The following ANKHD1 variants were observed in gnomAD, a reference collection of about 807,000 sequenced individuals.
ANKHD1 encodes the protein ankyrin repeat and KH domain-containing protein 1.
ANKHD1 carries 31 observed loss-of-function variants against 230.5 expected under a neutral mutation model. The ratio of observed to expected loss-of-function variants is 0.13; its 90% CI spans 0.10 to 0.18. The LOEUF is 0.18. Ranked by LOEUF, ANKHD1 falls within the 10% of genes least tolerant of loss-of-function variation. The pLI is 1.00. For missense variants in ANKHD1, 2,256 were observed against 3,071.3 expected (o/e 0.73, Z 6.27); for synonymous variants, 1,074 against 1,117.6 (o/e 0.96, Z 0.78).
intron 25 of ANKHD1, 77 bp downstream of exon 25, chr5:140,524,317 A>C: frequency 1.1e-5 from 16 of 1,431,496 alleles, no homozygotes; most frequent in Non-Finnish European, 1.5e-5. Context: ...TCTTTGCTCT[A>C]GTTAACTCTA....
chr5:140,491,039 T>A (rs1047796602), intron 14 of ANKHD1, among the ~76,000 whole-genome samples: 4 of 147,276 alleles, frequency 2.7e-5, no homozygotes. Context: ...TTTGTTCTTA[T>A]AAATTCTTAT....
intron 32 of ANKHD1, among the ~76,000 whole-genome samples, chr5:140,538,617 C>T (rs745769443): frequency 1.5e-4 from 23 of 152,170 alleles, no homozygotes; most frequent in Non-Finnish European, 3.1e-4. Context: ...TTCTTCTTAG[C>T]TCAAGCTTAT....
intron 1 of ANKHD1, among the ~76,000 whole-genome samples, chr5:140,432,720 T>G (rs72798873): frequency 0.18 from 27,566 of 152,082 alleles, 3,220 homozygotes; most frequent in East Asian, 0.29. Context: ...TAATTTTTTT[T>G]TTTTAAGAGA....
Position 140,506,492 on chromosome 5 carries a change from C to A in ANKHD1, c.3409-343C>A, listed in dbSNP as rs990991011. On this transcript the variant is annotated intron_variant, in intron 18 of 33. Transcript: ENST00000360839. The surrounding 1 kb of genome is among the most constrained non-coding windows in gnomAD (Gnocchi z 4.7). Reference sequence around the variant, plus strand: ...CCCCTTTTAAAAAATCTGTTTCTTGCCCTTAAAGCCAAATAAAAATTATCT... The same window carrying A: ...CCCCTTTTAAAAAATCTGTTTCTTGACCTTAAAGCCAAATAAAAATTATCT... Among the ~76,000 whole-genome samples the A allele has an allele frequency of 9.9e-5, 15 of 152,132 alleles. No individual in the cohort carries two copies. Among genetic ancestry groups the A allele is most frequent in the African/African-American group, 3.1e-4 (13 of 41,430 alleles).
At chr5:140,409,713 C>T (rs775693012) in intron 1 of ANKHD1, among the ~76,000 whole-genome samples, 12 of 151,918 alleles carry the variant, frequency 7.9e-5, no homozygotes, top group East Asian at 5.8e-4. Context: ...CCACCACGCT[C>T]GGCTAATTTT....
At position 140,533,775 on chromosome 5, in the gene ANKHD1, C is replaced by CAAAA. The variant is rs1167136822; in HGVS notation, c.6851-1566_6851-1563dup. On this transcript the variant is annotated intron_variant, in intron 29 of 33. Coordinates refer to ENST00000360839, the MANE Select transcript of ANKHD1 (RefSeq NM_017747.3). ...TGAGTGAGAGAGCAAGACCCTGTCT[C>CAAAA]AAAAAAAAAAAAAAAAAAAAAAAAC... Among the ~76,000 whole-genome samples, 44 of 29,650 alleles carry CAAAA rather than the reference C, an allele frequency of 1.5e-3. 1 individual carries two copies. The highest frequency in any genetic ancestry group is 3.8e-3 in the African/African-American group (35 of 9,218). 19.5% of individuals were successfully genotyped at this position (29,650 alleles called of 152,430 possible). A position where few individuals can be genotyped will look rare whatever the true frequency, so the allele number is the denominator to read the frequency against.
At chr5:140,529,850 C>T in intron 29 of ANKHD1, 54 bp downstream of exon 29, 2 of 1,573,300 alleles carry the variant, frequency 1.3e-6, no homozygotes, top group Non-Finnish European at 1.7e-6. Context: ...GGCCTAATCT[C>T]ACCTTAAGTG....
Position 140,436,162 on chromosome 5 carries a change from C to T in ANKHD1, c.365C>T (p.Ser122Leu). 6.2e-7 allele frequency: 1 copy of T among 1,607,380 alleles called. No homozygotes were observed. Among genetic ancestry groups the T allele is most frequent in the South Asian group, 1.1e-5 (1 of 89,664 alleles). Residue 122 changes from serine to leucine, a missense_variant, in exon 2 of 34, where the codon TCA becomes TTA. Transcript: ENST00000360839. ...GATAACCCAGTGCTTAAAACAACAT[C>T]AGAGATATTCTTATCAAGTACTGCA... The part of the protein sequence containing the change: ...DLDNPVLKTT[S>L]EIFLSSTAEG...
intron 1 of ANKHD1, among the ~76,000 whole-genome samples, chr5:140,406,022 C>T (rs1770407984): frequency 6.6e-6 from 1 of 151,878 alleles, no homozygotes; most frequent in East Asian, 2.0e-4. Flanking sequence ...GGTGGATCAG[C>T]TGAGGTCAGG....
intron 24 of ANKHD1, among the ~76,000 whole-genome samples, chr5:140,513,899 TTGAGA>T: frequency 6.8e-6 from 1 of 147,988 alleles, no homozygotes; most frequent in East Asian, 2.0e-4. Context: ...GCCTAGGAGT[TTGAGA>T]TCAGTTTGGT....
chr5:140,483,090 T>C (rs1751354451), intron 11 of ANKHD1, among the ~76,000 whole-genome samples: 1 of 152,194 alleles, frequency 6.6e-6, no homozygotes, highest in African/African-American at 2.4e-5. Context: ...TATATGTCTT[T>C]AGAAATTCTA....
At chr5:140,433,313 G>A (rs1314962619) in intron 1 of ANKHD1, among the ~76,000 whole-genome samples, 3 of 152,034 alleles carry the variant, frequency 2.0e-5, no homozygotes, top group East Asian at 1.9e-4. Context: ...TGATCTGTCC[G>A]CCTTGGCTTC....
chr5:140,402,748 G>C (rs1770069282), intron 1 of ANKHD1, among the ~76,000 whole-genome samples: 1 of 152,148 alleles, frequency 6.6e-6, no homozygotes. Context: ...CTTAAGGACG[G>C]TTCTTATTCT....
In ANKHD1 at chr5:140,427,415, C is replaced by T. The variant is rs1373654865; in HGVS notation, c.307-8689C>T. On this transcript the variant is annotated intron_variant, in intron 1 of 33. Coordinates refer to ENST00000360839, the MANE Select transcript of ANKHD1 (RefSeq NM_017747.3). ...CCTCCCCGACGGGCGGCTGGCCGGG[C>T]GGGGGGCTGACCCCCCAACCTCTCT... 1.2e-4 allele frequency among the ~76,000 whole-genome samples: 13 copies of T among 112,154 alleles called. No homozygotes were observed. The East Asian group carries it at 1.6e-3, about 14-fold the overall frequency. 73.6% of individuals were successfully genotyped at this position (112,154 alleles called of 152,430 possible).
At chr5:140,440,669 A>G (rs1319222725) in intron 4 of ANKHD1, among the ~76,000 whole-genome samples, 2 of 151,852 alleles carry the variant, frequency 1.3e-5, no homozygotes, top group African/African-American at 4.9e-5. Context: ...TGTTTTTACC[A>G]GTTTCTGTCT....
At chr5:140,525,233 ATATT>A (rs1030679851) in intron 25 of ANKHD1, among the ~76,000 whole-genome samples, 2 of 152,156 alleles carry the variant, frequency 1.3e-5, no homozygotes, top group Non-Finnish European at 2.9e-5. Context: ...ATAATAGTAA[ATATT>A]TATTAGGCTA....
rs1434856431 is a variant in ANKHD1 at position 140,506,277 on chromosome 5, G to T, written c.3408+408G>T. On this transcript the variant is annotated intron_variant, in intron 18 of 33. Coordinates refer to ENST00000360839, the MANE Select transcript of ANKHD1 (RefSeq NM_017747.3). This position sits in a 1 kb window ranked among gnomAD's most constrained non-coding sequence, Gnocchi z 4.7. ...TACTTTCTGAGGAATGGGTACTTCT[G>T]TTAACTTTTATGGGAATGTAAATGC... Among the ~76,000 whole-genome samples the T allele has an allele frequency of 6.6e-6, 1 of 151,952 alleles. No individual in the cohort carries two copies. The highest frequency in any genetic ancestry group is 1.5e-5 in the Non-Finnish European group (1 of 68,018).
rs150816606 is a variant in ANKHD1 at position 140,485,127 on chromosome 5, A to G, written c.1877A>G (p.Asn626Ser). 30 of 1,601,648 alleles carry G rather than the reference A, an allele frequency of 1.9e-5. No homozygotes were observed. Among genetic ancestry groups the G allele is most frequent in the Admixed American group, 1.2e-4 (7 of 59,662 alleles). The change falls in exon 12 of 34, where the codon AAT (asparagine) becomes AGT (serine). Residue 626 changes from asparagine to serine, a missense_variant. This residue lies in a region of ANKHD1 where 179 missense variants were observed against 261.8 expected (regional missense o/e 0.68). Transcript: ENST00000360839. The surrounding 1 kb of genome is among the most constrained non-coding windows in gnomAD (Gnocchi z 4.8). Reference protein sequence around the residue: ...TVQFLISKGANVNRATANNDH... With the variant: ...TVQFLISKGASVNRATANNDH... ...GATTTATTTTTCTTCAAAGGTGCCA[A>G]TGTTAACAGGGCTACAGCCAATAAT...
At chr5:140,538,349 T>C in intron 32 of ANKHD1, 88 bp downstream of exon 32, 1 of 1,535,434 alleles carries the variant, frequency 6.5e-7, no homozygotes, top group South Asian at 1.3e-5. Flanking sequence ...GAAATAATGC[T>C]CCCTTTTGTT....
Sources: gnomAD v4.1 joint callset for allele counts (sites outside exome capture counted in the v4.1 genomes callset) on GRCh38, gnomAD v4.1.1 for gene constraint, gnomAD v4.1.1 regional missense constraint, Gnocchi (gnomAD v3.1) non-coding constraint, MANE v1.5 for transcripts, NCBI Gene and HGNC (gene_info 2026-07-23, HGNC 2026-07-21) for gene names.